The following HS6ST3 variants were observed in gnomAD, a reference collection of about 807,000 sequenced individuals.
The protein encoded by HS6ST3 is heparan-sulfate 6-O-sulfotransferase 3.
A neutral mutation model predicts 36.7 loss-of-function variants in HS6ST3; 12 were observed. The observed-to-expected ratio is 0.33, with a 90% CI of 0.21 to 0.53. The LOEUF is 0.53. Among genes scored for constraint, HS6ST3 ranks in the 20% least tolerant of loss-of-function variants. The pLI is 0.95. For missense variants in HS6ST3, 584 were observed against 640.9 expected (o/e 0.91, Z 0.96); for synonymous variants, 240 against 257.5 (o/e 0.93, Z 0.65).
chr13:96,346,468 G>A (rs937306150), intron 1 of HS6ST3, among the ~76,000 whole-genome samples: 3 of 151,896 alleles, frequency 2.0e-5, no homozygotes, highest in African/African-American at 7.3e-5. Flanking sequence ...TAGCTACATT[G>A]GGAGGCTGAG....
At chr13:96,544,396 A>G (rs2138944248) in intron 1 of HS6ST3, among the ~76,000 whole-genome samples, 1 of 152,332 alleles carries the variant, frequency 6.6e-6, no homozygotes, top group Non-Finnish European at 1.5e-5. Flanking sequence ...CAATATTTAC[A>G]TGGCTAGTGT....
intron 1 of HS6ST3, chr13:96,574,199 GTCT>G: frequency 2.0e-6 from 1 of 511,256 alleles, no homozygotes; most frequent in Non-Finnish European, 4.0e-6. Flanking sequence ...TTTCTGCTCT[GTCT>G]CCCTCCATAC....
intron 1 of HS6ST3, among the ~76,000 whole-genome samples, chr13:96,759,109 T>G (rs1876905377): frequency 1.3e-5 from 2 of 151,900 alleles, no homozygotes; most frequent in African/African-American, 4.8e-5. Flanking sequence ...ATTGATATAT[T>G]ACTACCTTTC....
intron 1 of HS6ST3, among the ~76,000 whole-genome samples, chr13:96,131,440 CAATT>C (rs1162782477): frequency 6.6e-6 from 1 of 151,894 alleles, no homozygotes; most frequent in Non-Finnish European, 1.5e-5. Context: ...AAAATTGACA[CAATT>C]GTATGTATTT....
chr13:96,658,619 C>T (rs952892655), intron 1 of HS6ST3, among the ~76,000 whole-genome samples: 1 of 150,254 alleles, frequency 6.7e-6, no homozygotes, highest in Non-Finnish European at 1.5e-5. Context: ...TGGGTTGTTT[C>T]CAGTTTCTGG....
intron 1 of HS6ST3, among the ~76,000 whole-genome samples, chr13:96,368,005 C>T (rs1426760386): frequency 6.6e-6 from 1 of 152,168 alleles, no homozygotes; most frequent in East Asian, 1.9e-4. Context: ...AGAAAGTGCA[C>T]AGAGCACAAT....
intron 1 of HS6ST3, among the ~76,000 whole-genome samples, chr13:96,190,053 T>C (rs938929818): frequency 6.6e-6 from 1 of 152,234 alleles, no homozygotes; most frequent in African/African-American, 2.4e-5. Context: ...ACCTGGCATT[T>C]ATTGAACCAT....
intron 1 of HS6ST3, among the ~76,000 whole-genome samples, chr13:96,502,814 G>A (rs1300516660): frequency 2.6e-5 from 4 of 152,048 alleles, no homozygotes; most frequent in African/African-American, 7.2e-5. Context: ...AAATATTTTA[G>A]CCAAGCCATA....
chr13:96,120,150 A>C (rs1398039692), intron 1 of HS6ST3, among the ~76,000 whole-genome samples: 1 of 152,232 alleles, frequency 6.6e-6, no homozygotes, highest in Non-Finnish European at 1.5e-5. Context: ...GGAGTTATGC[A>C]GCTATAAGCC....
chr13:96,732,465 GA>G (rs1251659975), intron 1 of HS6ST3, among the ~76,000 whole-genome samples: 2 of 151,588 alleles, frequency 1.3e-5, no homozygotes, highest in Non-Finnish European at 2.9e-5. Flanking sequence ...TGCCTTTGTC[GA>G]AAACAGTTTC....
At position 96,832,962 on chromosome 13, in the gene HS6ST3, C is replaced by T. The variant is rs778172720; in HGVS notation, c.1180C>T (p.Arg394Cys). ...ASNVEINEGARQRIEDLNFLD... is the reference protein window; with the variant it reads ...ASNVEINEGACQRIEDLNFLD... Reference sequence around the variant, plus strand: ...TAACGTGGAGATCAACGAGGGTGCCCGCCAACGCATTGAGGATCTAAACTT... The same window carrying T: ...TAACGTGGAGATCAACGAGGGTGCCTGCCAACGCATTGAGGATCTAAACTT... The change falls in exon 2 of 2, where the codon CGC (arginine) becomes TGC (cysteine). Residue 394 changes from arginine to cysteine, a missense_variant. By Grantham distance (180) the Arg-to-Cys change is radical. Coordinates refer to ENST00000376705, the MANE Select transcript of HS6ST3 (RefSeq NM_153456.4). The T allele has an allele frequency of 1.4e-5, 22 of 1,613,910 alleles. No homozygotes were observed. The highest frequency in any genetic ancestry group is 1.8e-5 in the Non-Finnish European group (21 of 1,180,002).
At chr13:96,387,818 CATG>C (rs529424258) in intron 1 of HS6ST3, among the ~76,000 whole-genome samples, 93 of 152,268 alleles carry the variant, frequency 6.1e-4, no homozygotes, top group African/African-American at 2.2e-3. Context: ...AGAAGATTTG[CATG>C]ATGATCTTAC....
At chr13:96,486,626 G>A (rs1256192828) in intron 1 of HS6ST3, among the ~76,000 whole-genome samples, 2 of 152,178 alleles carry the variant, frequency 1.3e-5, no homozygotes, top group South Asian at 2.1e-4. Flanking sequence ...GTGATGATGA[G>A]CAGTTTTTAA....
At chr13:96,494,721 G>A (rs1319460633) in intron 1 of HS6ST3, among the ~76,000 whole-genome samples, 1 of 151,804 alleles carries the variant, frequency 6.6e-6, no homozygotes, top group Non-Finnish European at 1.5e-5. Context: ...GATAAAATAT[G>A]CCTTTCAGCA....
intron 1 of HS6ST3, among the ~76,000 whole-genome samples, chr13:96,281,160 C>T (rs751945136): frequency 6.6e-6 from 1 of 152,106 alleles, no homozygotes; most frequent in African/African-American, 2.4e-5. Flanking sequence ...TGCGCGCCAC[C>T]ACACCCAGCT....
chr13:96,726,763 CT>C (rs199778718), intron 1 of HS6ST3, among the ~76,000 whole-genome samples: 2 of 151,552 alleles, frequency 1.3e-5, no homozygotes, highest in South Asian at 4.2e-4. Flanking sequence ...GTTGTAGCCA[CT>C]TTTTTTTTCT....
intron 1 of HS6ST3, among the ~76,000 whole-genome samples, chr13:96,817,569 T>C (rs1308451745): frequency 1.3e-5 from 2 of 152,252 alleles, no homozygotes; most frequent in East Asian, 1.9e-4. Context: ...CTTCCTTAAC[T>C]GAAAATCAAT....
chr13:96,245,928 G>A (rs1275962518), intron 1 of HS6ST3, among the ~76,000 whole-genome samples: 2 of 152,024 alleles, frequency 1.3e-5, no homozygotes, highest in Admixed American at 1.3e-4. Context: ...AATATAGAGG[G>A]GGAAACTACA....
intron 1 of HS6ST3, among the ~76,000 whole-genome samples, chr13:96,418,018 T>A (rs2055543454): frequency 6.6e-6 from 1 of 152,154 alleles, no homozygotes; most frequent in South Asian, 2.1e-4. Flanking sequence ...ACATTATAAC[T>A]CATGCCTGAA....
Sources: gnomAD v4.1 joint callset for allele counts (sites outside exome capture counted in the v4.1 genomes callset) on GRCh38, gnomAD v4.1.1 for gene constraint, MANE v1.5 for transcripts, NCBI Gene and HGNC (gene_info 2026-07-23, HGNC 2026-07-21) for gene names.